The following ARAP3 variants were observed in gnomAD, a reference collection of about 807,000 sequenced individuals.
ARAP3 encodes the protein arf-GAP with Rho-GAP domain, ANK repeat and PH domain-containing protein 3.
In ARAP3, 82 loss-of-function variants were observed where a neutral mutation model predicts 169.2. The observed-to-expected ratio is 0.48, with a 90% CI of 0.41 to 0.58. The LOEUF is 0.58. ARAP3 is among the 20% of genes least tolerant of loss of function. The pLI, the probability that ARAP3 is intolerant of heterozygous loss-of-function variation, is 0.00. For synonymous variants in ARAP3, 791 were observed against 800.3 expected (o/e 0.99, Z 0.20); for missense variants, 1,764 against 2,018.0 (o/e 0.87, Z 2.41).
chr5:141,655,472 CAG>C (rs1257834895), intron 31 of ARAP3, 72 bp from the exon 32 acceptor site: 29 of 1,574,952 alleles, frequency 1.8e-5, no homozygotes, highest in Admixed American at 1.3e-4. Flanking sequence ...CAACAGGAGA[CAG>C]GGGTGGGGAA....
chr5:141,673,505 G>T (rs1162166485), intron 5 of ARAP3, 35 bp from the exon 6 acceptor site: 5 of 1,613,870 alleles, frequency 3.1e-6, no homozygotes, highest in Non-Finnish European at 3.4e-6. Context: ...AGTGTTTGAG[G>T]TTGCATGGGG....
At chr5:141,664,072 G>C (rs78589068) in intron 19 of ARAP3, among the ~76,000 whole-genome samples, 1 of 152,064 alleles carries the variant, frequency 6.6e-6, no homozygotes, top group South Asian at 2.1e-4. Context: ...GATTCTTTTC[G>C]GTCCTTATTT....
intron 25 of ARAP3, among the ~76,000 whole-genome samples, chr5:141,657,867 G>T (rs1364850137): frequency 1.3e-5 from 2 of 152,120 alleles, no homozygotes; most frequent in African/African-American, 4.8e-5. Flanking sequence ...CATCTAAATT[G>T]GTCTTAGATG....
At position 141,671,976 on chromosome 5, in the gene ARAP3, C is replaced by T; in HGVS notation, c.1590G>A (p.Gln530=). 6.2e-7 allele frequency: 1 copy of T among 1,614,122 alleles called. No homozygotes were observed. Among genetic ancestry groups the T allele is most frequent in the South Asian group, 1.1e-5 (1 of 91,084 alleles). Residue 530 remains glutamine, a synonymous_variant, in exon 11 of 33, where the codon CAG becomes CAA. Coordinates refer to ENST00000239440, the MANE Select transcript of ARAP3 (RefSeq NM_022481.6). The surrounding 1 kb of genome is among the most constrained non-coding windows in gnomAD (Gnocchi z 4.9). ...GVVICKQCAG[Q]HRALGSGISK... is the part of the protein sequence containing the mutation. ...AGATCCCAGAACCCAGGGCCCGGTG[C>T]TGACCTGTGAGGGTGTGAGGGTGTG...
intron 25 of ARAP3, among the ~76,000 whole-genome samples, chr5:141,657,369 T>C (rs1562403925): frequency 6.6e-6 from 1 of 152,202 alleles, no homozygotes; most frequent in African/African-American, 2.4e-5. Context: ...AGATGAGGCA[T>C]GGAGGACGCA....
intron 25 of ARAP3, among the ~76,000 whole-genome samples, chr5:141,657,228 T>C (rs1441898901): frequency 1.3e-5 from 2 of 152,076 alleles, no homozygotes; most frequent in Non-Finnish European, 2.9e-5. Context: ...CATGCTAAGA[T>C]TGGGTGGTAG....
chr5:141,659,356 T>C, intron 23 of ARAP3, 52 bp downstream of exon 23: 1 of 1,546,500 alleles, frequency 6.5e-7, no homozygotes, highest in Non-Finnish European at 8.9e-7. Flanking sequence ...CAGCTTCCTG[T>C]CCTGATGTCT....
chr5:141,670,438 T>C, intron 14 of ARAP3, 74 bp downstream of exon 14: 1 of 1,451,686 alleles, frequency 6.9e-7, no homozygotes, highest in Non-Finnish European at 9.6e-7. Flanking sequence ...CCTCTCCTCT[T>C]TGTCCCTCTG....
At chr5:141,663,292 C>T (rs1194390754) in intron 19 of ARAP3, among the ~76,000 whole-genome samples, 1 of 152,006 alleles carries the variant, frequency 6.6e-6, no homozygotes, top group African/African-American at 2.4e-5. Context: ...AGGGGATGAA[C>T]ACCCAGATTC....
rs765187337 is a variant in ARAP3 at position 141,659,494 on chromosome 5, G to A, written c.3268-18C>T. The stretch of plus-strand genomic sequence containing the variant: ...GAATCGATCTGTGAAAGAGCCAAAA[G>A]AGAGTGTTGGGGTGCTGGAAGAGGA... On this transcript the variant is annotated intron_variant, in intron 22 of 32. Transcript: ENST00000239440. 2.2e-5 allele frequency: 36 copies of A among 1,613,594 alleles called. No homozygotes were observed. Among genetic ancestry groups the A allele is most frequent in the Non-Finnish European group, 3.1e-5 (36 of 1,179,572 alleles).
chr5:141,676,301 T>A (rs2099912175), intron 4 of ARAP3, among the ~76,000 whole-genome samples: 1 of 151,372 alleles, frequency 6.6e-6, no homozygotes, highest in Non-Finnish European at 1.5e-5. Flanking sequence ...TGAGCCGAGA[T>A]CACACCACTG....
rs745801792 is a variant in ARAP3, at chr5:141,680,156, T to C, written c.331A>G (p.Thr111Ala). 2 of 1,607,270 alleles carry C rather than the reference T, an allele frequency of 1.2e-6. No individual in the cohort carries two copies. The highest frequency in any genetic ancestry group is 2.7e-5 in the African/African-American group (2 of 74,530). Residue 111 changes from threonine to alanine, a missense_variant, in exon 2 of 33, where the codon ACT (threonine) becomes GCT (alanine). By Grantham distance (58) the Thr-to-Ala change is moderately conservative (BLOSUM62 0). Around this residue, in one of 3 missense-constraint regions of ARAP3, gnomAD observed 630 missense variants for 678.7 expected, o/e 0.93. Coordinates refer to ENST00000239440, the MANE Select transcript of ARAP3 (RefSeq NM_022481.6). ...GCTGGGCTCAGCCCAGGTCTCTGAG[T>C]GGTGGCAGGGCCACTGAGTCCACCA... Reference protein sequence around the residue: ...VFGGLSGPATTQRPGLSPALG... With the variant: ...VFGGLSGPATAQRPGLSPALG...
intron 4 of ARAP3, 36 bp downstream of exon 4, chr5:141,679,509 C>A (rs769087799): frequency 6.3e-7 from 1 of 1,584,572 alleles, no homozygotes; most frequent in Admixed American, 1.7e-5. Context: ...GACTCACCTG[C>A]TCCTCCCTCC....
rs765288237 is a variant in ARAP3 at position 141,666,652 on chromosome 5, G to A, written c.2353-9C>T. 7.3e-7 allele frequency: 1 copy of A among 1,367,070 alleles called. No individual in the cohort carries two copies. Among genetic ancestry groups the A allele is most frequent in the Non-Finnish European group, 9.5e-7 (1 of 1,049,698 alleles). 84.7% of individuals were successfully genotyped at this position (1,367,070 alleles called of 1,614,324 possible). A position where few individuals can be genotyped will look rare whatever the true frequency, so the allele number is the denominator to read the frequency against. ...CTCAGCGGGGAGAACCACTGTAGAG[G>A]CAGGGGGAGGACAGGAGAAAGGGGG... On this transcript the variant is annotated splice_polypyrimidine_tract_variant and intron_variant, in intron 16 of 32. Coordinates refer to ENST00000239440, the MANE Select transcript of ARAP3 (RefSeq NM_022481.6).
At chr5:141,678,296 C>T (rs1018062411) in intron 4 of ARAP3, among the ~76,000 whole-genome samples, 5 of 152,000 alleles carry the variant, frequency 3.3e-5, no homozygotes, top group African/African-American at 1.2e-4. Context: ...CCTGCCATTC[C>T]TCCCACCGTG....
chr5:141,659,983 T>C lies in ARAP3; in HGVS notation c.3120-57A>G, dbSNP rs934275723. The stretch of plus-strand genomic sequence containing the variant: ...TAGCCACTCATTCAGCAAACACTTA[T>C]TGAGTCCCTATTGTATGCCTGGGCT... On this transcript the variant is annotated intron_variant, in intron 21 of 32. Transcript: ENST00000239440. 3.1e-5 allele frequency: 47 copies of C among 1,513,716 alleles called. No individual in the cohort carries two copies. The African/African-American group carries it at 5.0e-4, about 16-fold the overall frequency. 93.8% of individuals were successfully genotyped at this position (1,513,716 alleles called of 1,614,324 possible). A position where few individuals can be genotyped will look rare whatever the true frequency, so the allele number is the denominator to read the frequency against.
chr5:141,654,570 G>A (rs181733720), intron 32 of ARAP3, 135 bp from the exon 33 acceptor site: 2 of 1,275,994 alleles, frequency 1.6e-6, no homozygotes, highest in East Asian at 4.7e-5. Context: ...GAACAACCCT[G>A]TGCAGTGGGT....
chr5:141,655,225 TACACACAC>T lies in ARAP3; in HGVS notation c.4149+129_4149+136del, dbSNP rs148481472. On this transcript the variant is annotated intron_variant, in intron 32 of 32. Transcript: ENST00000239440. ...CACACACACACACACCCTGATGGCC[TACACACAC>T]ACACACACACACACACACACACACA... 5.1e-3 allele frequency: 2,479 copies of T among 490,654 alleles called. 24 individuals are homozygous for T. Among genetic ancestry groups the T allele is most frequent in the African/African-American group, 0.034 (1,141 of 33,100 alleles). The allele number at this position is 490,654 out of a possible 1,614,324, so 30.4% of individuals were successfully genotyped here.
Position 141,667,902 on chromosome 5 carries a change from C to T in ARAP3, c.2353-1259G>A, listed in dbSNP as rs539443602. On this transcript the variant is annotated intron_variant, in intron 16 of 32. Transcript: ENST00000239440. ...ACCAAAAATACAAAAATTAGCCGGG[C>T]GAGGTCATGTGCGCCTGTAGTCCCA... 6.6e-5 allele frequency among the ~76,000 whole-genome samples: 10 copies of T among 151,210 alleles called. 1 individual carries two copies. The highest frequency in any genetic ancestry group is 1.2e-4 in the Non-Finnish European group (8 of 67,788).
Sources: gnomAD v4.1 joint callset for allele counts (sites outside exome capture counted in the v4.1 genomes callset) on GRCh38, gnomAD v4.1.1 for gene constraint, gnomAD v4.1.1 regional missense constraint, Gnocchi (gnomAD v3.1) non-coding constraint, MANE v1.5 for transcripts, NCBI Gene and HGNC (gene_info 2026-07-23, HGNC 2026-07-21) for gene names.